SCN10A: variants seen among roughly 807,000 people sequenced by gnomAD.
SCN10A encodes sodium voltage-gated channel alpha subunit 10.
SCN10A carries 162 observed loss-of-function variants against 170.7 expected under a neutral mutation model. The observed-to-expected ratio is 0.95, with a 90% confidence interval of 0.84 to 1.08. The LOEUF (loss-of-function observed/expected upper bound fraction) is 1.08. Among genes scored for constraint, SCN10A ranks in the 50% least tolerant of loss-of-function variants. The pLI, the probability that SCN10A is intolerant of heterozygous loss-of-function variation, is 0.00. For missense variants in SCN10A, 2,527 were observed against 2,436.9 expected, an observed-to-expected ratio of 1.04 and a Z score of -0.78; for synonymous variants, 985 against 904.6, an observed-to-expected ratio of 1.09 and a Z score of -1.59.
chr3:38,782,314 G>A (rs1327168629), intron 4 of SCN10A, among the ~76,000 whole-genome samples: 1 of 152,020 alleles, frequency 6.6e-6, no homozygotes, highest in East Asian at 1.9e-4. Flanking sequence ...GGGCAGCGGG[G>A]GCGGTAAAAT....
intron 15 of SCN10A, among the ~76,000 whole-genome samples, chr3:38,729,543 A>G (rs2063494449): frequency 6.6e-6 from 1 of 152,164 alleles, no homozygotes; most frequent in Non-Finnish European, 1.5e-5. Context: ...GTGTATGAAG[A>G]GAGGTGTGTG....
At chr3:38,711,630 A>T (rs1163496153) in intron 23 of SCN10A, among the ~76,000 whole-genome samples, 1 of 152,240 alleles carries the variant, frequency 6.6e-6, no homozygotes, top group Non-Finnish European at 1.5e-5. Flanking sequence ...TAACTGCATG[A>T]CAAATGTATA....
intron 5 of SCN10A, among the ~76,000 whole-genome samples, chr3:38,766,986 A>G (rs970696273): frequency 6.6e-6 from 1 of 151,656 alleles, no homozygotes; most frequent in Non-Finnish European, 1.5e-5. Context: ...GAATTTATTC[A>G]TCTCCTCTAA....
chr3:38,702,738 TGCAAATGCCTAA>T (rs1301571731), intron 26 of SCN10A, among the ~76,000 whole-genome samples: 1 of 152,226 alleles, frequency 6.6e-6, no homozygotes, highest in African/African-American at 2.4e-5. Context: ...CCTGGTGCTG[TGCAAATGCCTAA>T]GCAAATGCAG....
At position 38,806,463 on chromosome 3, in the gene SCN10A, A is replaced by G. The variant is rs1179365372; in HGVS notation, c.-33+9574T>C. Among the ~76,000 whole-genome samples, 3 of 152,190 alleles carry G rather than the reference A, an allele frequency of 2.0e-5. No homozygotes were observed. The East Asian group carries it at 5.8e-4, about 29-fold the overall frequency. Reference sequence around the variant, plus strand: ...TCAGCTACAGAAACCTTGAGTTATAATAATTTTAAAAAACCAGAGAGATAG... The same window carrying G: ...TCAGCTACAGAAACCTTGAGTTATAGTAATTTTAAAAAACCAGAGAGATAG... On this transcript the variant is annotated intron_variant, in intron 1 of 27. Coordinates refer to ENST00000449082, the MANE Select transcript of SCN10A (RefSeq NM_006514.4).
intron 15 of SCN10A, among the ~76,000 whole-genome samples, 194 bp downstream of exon 15, chr3:38,739,321 G>T (rs1329646567): frequency 6.6e-6 from 1 of 152,092 alleles, no homozygotes; most frequent in Non-Finnish European, 1.5e-5. Context: ...GAAAGGAGAA[G>T]GCATGTCCCC....
At chr3:38,728,244 A>G (rs2063477645) in intron 16 of SCN10A, among the ~76,000 whole-genome samples, 1 of 152,226 alleles carries the variant, frequency 6.6e-6, no homozygotes, top group Non-Finnish European at 1.5e-5. Flanking sequence ...TTTTAAGGAA[A>G]TTAGATCTTG....
chr3:38,755,831 T>C lies in SCN10A; in HGVS notation c.1418A>G (p.Asp473Gly). 1 of 1,614,140 alleles carries C rather than the reference T, an allele frequency of 6.2e-7. No individual in the cohort carries two copies. The highest frequency in any genetic ancestry group is 8.5e-7 in the Non-Finnish European group (1 of 1,180,040). ...AGGATCAGAGCGGGGTGATTTGTTG[T>C]CTTCTGTGGAGCCCTCTGACACTCT... ...KPRVSEGSTE[D>G]NKSPRSDPYN... Residue 473 changes from aspartate to glycine, a missense_variant, in exon 11 of 28, where the codon GAC becomes GGC. By Grantham distance (94) the Asp-to-Gly change is moderately conservative. Coordinates refer to ENST00000449082, the MANE Select transcript of SCN10A (RefSeq NM_006514.4).
intron 11 of SCN10A, among the ~76,000 whole-genome samples, chr3:38,753,657 A>C (rs2063772470): frequency 6.6e-6 from 1 of 152,224 alleles, no homozygotes. Context: ...TTTTTGAAGC[A>C]AATGAGAAAA....
chr3:38,725,288 C>T lies in SCN10A; in HGVS notation c.3114G>A (p.Arg1038=), dbSNP rs773394234. The change falls in exon 18 of 28, where the codon AGG becomes AGA. Residue 1038 remains arginine, a synonymous_variant. Transcript: ENST00000449082. The part of the protein sequence containing the change: ...GQQEQLQQVE[R]CGDHLTPRSP... ...TCCTGGGTGTCAGGTGGTCCCCACA[C>T]CTCTCGACTTGCTGCAGCTGCTCCT... 1.3e-6 allele frequency: 2 copies of T among 1,583,052 alleles called. No individual in the cohort carries two copies. The highest frequency in any genetic ancestry group is 1.7e-6 in the Non-Finnish European group (2 of 1,156,634).
intron 1 of SCN10A, among the ~76,000 whole-genome samples, chr3:38,798,149 A>C (rs1029439731): frequency 6.6e-6 from 1 of 152,192 alleles, no homozygotes; most frequent in Non-Finnish European, 1.5e-5. Context: ...CATAGAAGAG[A>C]GGAAAAGTAA....
intron 1 of SCN10A, among the ~76,000 whole-genome samples, chr3:38,806,212 T>C (rs1245222628): frequency 1.3e-5 from 2 of 152,122 alleles, no homozygotes; most frequent in African/African-American, 2.4e-5. Context: ...AAGTGCCTAA[T>C]AGGGCACTTA....
chr3:38,793,479 C>G (rs2064310621), intron 2 of SCN10A, among the ~76,000 whole-genome samples: 1 of 152,154 alleles, frequency 6.6e-6, no homozygotes, highest in African/African-American at 2.4e-5. Flanking sequence ...TCCAAGGGAA[C>G]AGCCAACTTT....
intron 4 of SCN10A, among the ~76,000 whole-genome samples, chr3:38,775,976 T>G (rs2064068912): frequency 6.6e-6 from 1 of 152,138 alleles, no homozygotes; most frequent in Admixed American, 6.5e-5. Flanking sequence ...AATTTTATAC[T>G]GGGAAAGCCT....
chr3:38,736,962 C>CGTT (rs2063567638), intron 15 of SCN10A, among the ~76,000 whole-genome samples: 3 of 69,254 alleles, frequency 4.3e-5, no homozygotes, highest in African/African-American at 1.0e-4. Context: ...CAGAAATGTT[C>CGTT]GTTTTTTTTT....
At chr3:38,702,751 G>A (rs2063170004) in intron 26 of SCN10A, among the ~76,000 whole-genome samples, 1 of 152,230 alleles carries the variant, frequency 6.6e-6, no homozygotes, top group African/African-American at 2.4e-5. Context: ...AAATGCCTAA[G>A]CAAATGCAGG....
chr3:38,743,009 T>C (rs2063650535), intron 13 of SCN10A, among the ~76,000 whole-genome samples: 1 of 152,176 alleles, frequency 6.6e-6, no homozygotes, highest in African/African-American at 2.4e-5. Flanking sequence ...CTCCTAGAGA[T>C]CTGTGAGCCC....
chr3:38,785,078 A>G (rs201659685), intron 4 of SCN10A, among the ~76,000 whole-genome samples: 1 of 152,214 alleles, frequency 6.6e-6, no homozygotes, highest in Admixed American at 6.5e-5. Flanking sequence ...TATAGATTCA[A>G]TGTTATCCCC....
intron 14 of SCN10A, 36 bp from the exon 15 acceptor site, chr3:38,739,724 C>T: frequency 6.5e-7 from 1 of 1,540,946 alleles, no homozygotes. Context: ...ACAGTGGGAT[C>T]TGTGGGGTCG....
Sources: gnomAD v4.1 joint callset for allele counts (sites outside exome capture counted in the v4.1 genomes callset) on GRCh38, gnomAD v4.1.1 for gene constraint, MANE v1.5 for transcripts, NCBI Gene and HGNC (gene_info 2026-07-23, HGNC 2026-07-21) for gene names.